Variants in PTPRN2 observed in about 807,000 individuals in gnomAD.
PTPRN2 encodes the protein protein tyrosine phosphatase receptor type N2, also known as receptor-type tyrosine-protein phosphatase N2.
Under a neutral mutation model 118.8 loss-of-function variants are expected in PTPRN2, and 74 were observed. The ratio of observed to expected loss-of-function variants is 0.62; its 90% confidence interval spans 0.52 to 0.76. The LOEUF (loss-of-function observed/expected upper bound fraction) is 0.76. Among genes scored for constraint, PTPRN2 ranks in the 30% least tolerant of loss-of-function variants. The pLI, the probability that PTPRN2 is intolerant of heterozygous loss-of-function variation, is 0.00. For synonymous variants in PTPRN2, 641 were observed against 608.0 expected, an observed-to-expected ratio of 1.05 and a Z score of -0.80; for missense variants, 1,481 against 1,394.4, an observed-to-expected ratio of 1.06 and a Z score of -0.99.
chr7:158,224,987 G>A (rs1207301960), intron 3 of PTPRN2, among the ~76,000 whole-genome samples: 1 of 152,124 alleles, frequency 6.6e-6, no homozygotes, highest in Non-Finnish European at 1.5e-5. Context: ...CATCTCATCA[G>A]GGAAATGTCA....
At chr7:158,342,724 G>T (rs972292999) in intron 2 of PTPRN2, among the ~76,000 whole-genome samples, 1 of 152,196 alleles carries the variant, frequency 6.6e-6, no homozygotes, top group Non-Finnish European at 1.5e-5. Flanking sequence ...AGCCCAGAGA[G>T]GTTGGGTGCC....
intron 4 of PTPRN2, among the ~76,000 whole-genome samples, chr7:158,196,688 G>A (rs754886789): frequency 6.6e-5 from 10 of 152,144 alleles, no homozygotes; most frequent in East Asian, 5.8e-4. Flanking sequence ...CCCTGCCCAC[G>A]GCTAGTGAGG....
At chr7:157,872,347 C>A (rs377260519) in intron 12 of PTPRN2, among the ~76,000 whole-genome samples, 50 of 94,550 alleles carry the variant, frequency 5.3e-4, no homozygotes, top group East Asian at 1.6e-3. Flanking sequence ...TGTCCTCCCC[C>A]CACACACATA....
intron 12 of PTPRN2, among the ~76,000 whole-genome samples, chr7:157,888,398 G>T (rs990480568): frequency 5.9e-5 from 9 of 152,110 alleles, no homozygotes; most frequent in Admixed American, 4.6e-4. Context: ...AGATACTGCT[G>T]AACCCACCGC....
intron 2 of PTPRN2, among the ~76,000 whole-genome samples, chr7:158,420,158 C>G (rs529218399): frequency 5.3e-5 from 8 of 152,306 alleles, no homozygotes; most frequent in South Asian, 2.1e-4. Context: ...CTCCCGTTTT[C>G]CTTCCCAAGG....
rs150471257 is a variant in PTPRN2 at position 158,282,144 on chromosome 7, G to A, written c.277+34675C>T. Among the ~76,000 whole-genome samples, 893 of 150,314 alleles carry A rather than the reference G, an allele frequency of 5.9e-3. 4 individuals are homozygous for A. The highest frequency in any genetic ancestry group is 0.022 in the Admixed American group (329 of 15,128). ...GCCTGTGTTAACAGGGTCCTTTGCC[G>A]CTAAGAACCCAACTGTCTCAGGAGT... On this transcript the variant is annotated intron_variant, in intron 3 of 22. Coordinates refer to ENST00000389418, the MANE Select transcript of PTPRN2 (RefSeq NM_002847.5).
chr7:157,866,770 G>T (rs1198858050), intron 12 of PTPRN2, among the ~76,000 whole-genome samples: 1 of 145,912 alleles, frequency 6.9e-6, no homozygotes, highest in Non-Finnish European at 1.5e-5. Context: ...CCCCGCCCCT[G>T]AGGCCCTGGA....
intron 11 of PTPRN2, among the ~76,000 whole-genome samples, chr7:157,998,829 A>C (rs990287501): frequency 4.0e-4 from 61 of 151,894 alleles, no homozygotes; most frequent in Non-Finnish European, 8.8e-5. Flanking sequence ...AAAAAAAAAA[A>C]AAAAAAAACT....
intron 11 of PTPRN2, among the ~76,000 whole-genome samples, chr7:157,917,704 A>G (rs564754171): frequency 6.6e-6 from 1 of 152,138 alleles, no homozygotes; most frequent in Admixed American, 6.5e-5. Context: ...TTTAAAATAC[A>G]ATGTTTATCT....
rs557481567 is a variant in PTPRN2, at chr7:158,176,307, G to A, written c.550-9016C>T. Among the ~76,000 whole-genome samples the A allele has an allele frequency of 2.6e-5, 4 of 152,228 alleles. No homozygotes were observed. In the East Asian group the frequency reaches 7.7e-4, roughly 29 times the overall value. Reference sequence around the variant, plus strand: ...TCGCCACGGGGCTCTTATTCACTGAGTGCTACACCAGGCTGTTTTCGGCTT... The same window carrying A: ...TCGCCACGGGGCTCTTATTCACTGAATGCTACACCAGGCTGTTTTCGGCTT... On this transcript the variant is annotated intron_variant, in intron 5 of 22. Coordinates refer to ENST00000389418, the MANE Select transcript of PTPRN2 (RefSeq NM_002847.5).
intron 1 of PTPRN2, among the ~76,000 whole-genome samples, chr7:158,524,588 C>G (rs971488951): frequency 6.6e-6 from 1 of 151,904 alleles, no homozygotes; most frequent in Non-Finnish European, 1.5e-5. Flanking sequence ...CTGAGGAGTG[C>G]GAGGAAAGCT....
intron 12 of PTPRN2, among the ~76,000 whole-genome samples, chr7:157,743,756 G>T (rs1009950): frequency 0.33 from 49,333 of 151,568 alleles, 8,751 homozygotes; most frequent in Admixed American, 0.41. Flanking sequence ...GGTTGGCTGA[G>T]TTGGGCTCTC....
intron 2 of PTPRN2, among the ~76,000 whole-genome samples, chr7:158,337,388 G>A (rs554831158): frequency 4.8e-5 from 5 of 105,204 alleles, no homozygotes; most frequent in East Asian, 3.1e-4. Flanking sequence ...CACCATAAGA[G>A]GTAACACCTG....
chr7:158,236,092 G>T (rs1411461941), intron 3 of PTPRN2, among the ~76,000 whole-genome samples: 6 of 152,214 alleles, frequency 3.9e-5, no homozygotes, highest in Non-Finnish European at 7.3e-5. Flanking sequence ...CAGCGTTGTT[G>T]AAGGGGCTGG....
intron 11 of PTPRN2, among the ~76,000 whole-genome samples, chr7:158,007,237 G>GTCC (rs1009801926): frequency 2.0e-5 from 3 of 152,236 alleles, no homozygotes; most frequent in African/African-American, 7.2e-5. Flanking sequence ...CGCTTCCCAG[G>GTCC]TGAACTTGGG....
intron 14 of PTPRN2, among the ~76,000 whole-genome samples, chr7:157,624,657 G>A (rs571152162): frequency 1.5e-4 from 23 of 152,274 alleles, no homozygotes; most frequent in Middle Eastern, 3.4e-3. Context: ...TATTTAATGC[G>A]TGTTGCTTCT....
At chr7:158,131,348 C>G (rs533995047) in intron 9 of PTPRN2, among the ~76,000 whole-genome samples, 1 of 139,354 alleles carries the variant, frequency 7.2e-6, no homozygotes, top group Non-Finnish European at 1.5e-5. Context: ...TGCACATTTG[C>G]ACAAACCAAT....
At chr7:157,711,465 G>A in intron 12 of PTPRN2, among the ~76,000 whole-genome samples, 2 of 46,466 alleles carry the variant, frequency 4.3e-5, no homozygotes, top group Admixed American at 1.7e-4. Context: ...TTGTGCACCT[G>A]CACACGGGTC....
In PTPRN2 at chr7:157,596,313, G is replaced by C. The variant is rs1388104387; in HGVS notation, c.2419-998C>G. Reference sequence around the variant, plus strand: ...TCTGTGGCAGAGCCGGGGCGGAAGGGCCTTGCTGGGAGTGGCCTCCTGTTC... The same window carrying C: ...TCTGTGGCAGAGCCGGGGCGGAAGGCCCTTGCTGGGAGTGGCCTCCTGTTC... On this transcript the variant is annotated intron_variant, in intron 16 of 22. Coordinates refer to ENST00000389418, the MANE Select transcript of PTPRN2 (RefSeq NM_002847.5). This position sits in a 1 kb window ranked among gnomAD's most constrained non-coding sequence, Gnocchi z 4.2. Among the ~76,000 whole-genome samples, 2 of 152,220 alleles carry C rather than the reference G, an allele frequency of 1.3e-5. No individual in the cohort carries two copies. Among genetic ancestry groups the C allele is most frequent in the Non-Finnish European group, 2.9e-5 (2 of 68,046 alleles).
Sources: allele counts gnomAD v4.1 joint callset (sites outside exome capture counted in the v4.1 genomes callset), GRCh38; gene constraint gnomAD v4.1.1; non-coding constraint Gnocchi (gnomAD v3.1); transcripts MANE v1.5; gene names NCBI Gene and HGNC (gene_info 2026-07-23, HGNC 2026-07-21).